AKAP9: variants seen among roughly 807,000 people sequenced by gnomAD.
The protein encoded by AKAP9 is A-kinase anchoring protein 9, also known as A-kinase anchor protein 9.
In AKAP9, 311 loss-of-function variants were observed where a neutral mutation model predicts 488.5. The observed-to-expected ratio is 0.64, with a 90% CI of 0.58 to 0.70. The LOEUF (loss-of-function observed/expected upper bound fraction) is 0.70. AKAP9 is among the 30% of genes least tolerant of loss of function. The probability of loss-of-function intolerance (pLI) is 0.00; values close to 1 mark genes in which losing one functional copy is unlikely to be tolerated. For synonymous variants in AKAP9, 1,462 were observed against 1,483.5 expected, an observed-to-expected ratio of 0.99 and a Z score of 0.33; for missense variants, 4,215 against 4,374.5, an observed-to-expected ratio of 0.96 and a Z score of 1.03.
chr7:92,048,854 C>T (rs537070514), intron 21 of AKAP9, among the ~76,000 whole-genome samples: 2 of 151,150 alleles, frequency 1.3e-5, no homozygotes, highest in African/African-American at 2.4e-5. Context: ...TGCAGTGAGC[C>T]GAGATCACAC....
At chr7:92,102,544 G>A (rs1310191020) in intron 45 of AKAP9, 50 bp from the exon 46 acceptor site, 2 of 1,518,810 alleles carry the variant, frequency 1.3e-6, no homozygotes, top group Admixed American at 3.4e-5. Flanking sequence ...CTAGAGAGCA[G>A]GGTGAATGTT....
At chr7:91,959,682 A>G (rs1584581438) in intron 1 of AKAP9, among the ~76,000 whole-genome samples, 2 of 152,118 alleles carry the variant, frequency 1.3e-5, no homozygotes, top group South Asian at 4.1e-4. Flanking sequence ...AAGCTGCAGA[A>G]TTTGTTTTCT....
intron 3 of AKAP9, among the ~76,000 whole-genome samples, chr7:91,986,925 C>T (rs1379617023): frequency 2.0e-5 from 3 of 151,314 alleles, no homozygotes; most frequent in Non-Finnish European, 4.4e-5. Context: ...TAGTTATATA[C>T]ATGAATAATT....
At chr7:92,101,252 C>T (rs940499490) in intron 45 of AKAP9, among the ~76,000 whole-genome samples, 196 bp downstream of exon 45, 25 of 151,972 alleles carry the variant, frequency 1.6e-4, no homozygotes, top group African/African-American at 5.8e-4. Context: ...CTGGCTAACA[C>T]GGTGAAACCC....
chr7:91,983,879 T>C (rs1276755355), intron 3 of AKAP9, among the ~76,000 whole-genome samples: 1 of 152,206 alleles, frequency 6.6e-6, no homozygotes, highest in Non-Finnish European at 1.5e-5. Flanking sequence ...TGCATTTCTC[T>C]GATGACCAGT....
intron 22 of AKAP9, among the ~76,000 whole-genome samples, chr7:92,054,066 A>G (rs2130806975): frequency 6.6e-6 from 1 of 152,262 alleles, no homozygotes; most frequent in East Asian, 1.9e-4. Flanking sequence ...TTCTTAAGTG[A>G]ATAATATTTT....
chr7:92,035,791 A>G (rs1805095583), intron 16 of AKAP9, among the ~76,000 whole-genome samples: 1 of 152,186 alleles, frequency 6.6e-6, no homozygotes, highest in Non-Finnish European at 1.5e-5. Context: ...TTAGGTAATC[A>G]GTGGGAGAAG....
At chr7:91,956,508 G>C (rs1202944287) in intron 1 of AKAP9, among the ~76,000 whole-genome samples, 2 of 151,718 alleles carry the variant, frequency 1.3e-5, no homozygotes, top group Admixed American at 1.3e-4. Context: ...TATTGATTCT[G>C]AGCTGCTTTG....
chr7:92,057,195 A>G (rs533285731), intron 22 of AKAP9, among the ~76,000 whole-genome samples: 156 of 152,218 alleles, frequency 1.0e-3, no homozygotes, highest in African/African-American at 3.7e-3. Context: ...TGAAATGTCT[A>G]TAGTTTTAGT....
Position 92,083,604 on chromosome 7 carries a change from A to G in AKAP9, c.8595A>G (p.Lys2865=). The change falls in exon 33 of 50, where the codon AAA becomes AAG. Residue 2865 remains lysine (K), a synonymous_variant. Transcript: ENST00000356239. The part of the protein sequence containing the change: ...REHYVAVQLL[K]EECGTLKAVI... ...ACTATGTTGCCGTTCAGTTACTGAA[A>G]GAGGAATGTGGTACCTTGAAGGCAG... 6.2e-7 allele frequency: 1 copy of G among 1,604,416 alleles called. No individual in the cohort carries two copies. Among genetic ancestry groups the G allele is most frequent in the Non-Finnish European group, 8.5e-7 (1 of 1,177,412 alleles).
chr7:91,994,005 TG>T (rs2130641103), intron 5 of AKAP9, among the ~76,000 whole-genome samples: 1 of 152,312 alleles, frequency 6.6e-6, no homozygotes, highest in East Asian at 1.9e-4. Flanking sequence ...GGTGTGTGCC[TG>T]TAGTCCTAGT....
intron 21 of AKAP9, among the ~76,000 whole-genome samples, chr7:92,050,400 G>C (rs1807778855): frequency 1.3e-5 from 2 of 151,948 alleles, no homozygotes; most frequent in Non-Finnish European, 1.5e-5. Flanking sequence ...CAGCTGATTT[G>C]ACAACTGGGA....
rs993676155 is a variant in AKAP9, at chr7:91,984,805, G to A, written c.351+4472G>A. Among the ~76,000 whole-genome samples, 10 of 152,002 alleles carry A rather than the reference G, an allele frequency of 6.6e-5. No homozygotes were observed. The South Asian group carries it at 1.0e-3, about 16-fold the overall frequency. ...ATTTGTTTGTGTCCTTTTTTATTTC[G>A]TTGAGCAGTGGTTTGTAGTTCTCCT... On this transcript the variant is annotated intron_variant, in intron 3 of 49. Coordinates refer to ENST00000356239, the MANE Select transcript of AKAP9 (RefSeq NM_005751.5).
At chr7:91,941,977 T>A in intron 1 of AKAP9, among the ~76,000 whole-genome samples, 1 of 152,060 alleles carries the variant, frequency 6.6e-6, no homozygotes, top group Admixed American at 6.6e-5. Flanking sequence ...GCATCGTTCA[T>A]TGGGCTTCAT....
At chr7:92,050,328 C>T (rs546985047) in intron 21 of AKAP9, among the ~76,000 whole-genome samples, 1 of 152,118 alleles carries the variant, frequency 6.6e-6, no homozygotes, top group African/African-American at 2.4e-5. Context: ...AACTCCTGAC[C>T]TCGTGATCCA....
Position 92,061,425 on chromosome 7 carries a change from G to GAGCA in AKAP9, c.5764+5_5764+8dup. On this transcript the variant is annotated splice_donor_region_variant and intron_variant, in intron 23 of 49. Coordinates refer to ENST00000356239, the MANE Select transcript of AKAP9 (RefSeq NM_005751.5). The stretch of plus-strand genomic sequence containing the variant: ...TGTGGAGCTCAGTAAGGCTGAGGGT[G>GAGCA]AGCAATTTGCCATTGACAACTAAGG... 1 of 1,612,272 alleles carries GAGCA rather than the reference G, an allele frequency of 6.2e-7. No homozygotes were observed. The highest frequency in any genetic ancestry group is 8.5e-7 in the Non-Finnish European group (1 of 1,179,218).
intron 1 of AKAP9, among the ~76,000 whole-genome samples, chr7:91,949,168 T>C (rs1791886837): frequency 6.6e-6 from 1 of 151,908 alleles, no homozygotes; most frequent in Non-Finnish European, 1.5e-5. Context: ...AATATATATA[T>C]ATCCTTTCCG....
At chr7:92,068,218 T>C (rs868579881) in intron 26 of AKAP9, among the ~76,000 whole-genome samples, 141 of 151,096 alleles carry the variant, frequency 9.3e-4, no homozygotes, top group African/African-American at 3.4e-3. Flanking sequence ...AAAAAAAAAT[T>C]AGCCAGGCGT....
chr7:91,956,862 G>C (rs1338621239), intron 1 of AKAP9, among the ~76,000 whole-genome samples: 1 of 152,136 alleles, frequency 6.6e-6, no homozygotes, highest in African/African-American at 2.4e-5. Context: ...GTTGTTTTGG[G>C]CTTCTATTTT....
Sources: gnomAD v4.1 joint callset for allele counts (sites outside exome capture counted in the v4.1 genomes callset) on GRCh38, gnomAD v4.1.1 for gene constraint, MANE v1.5 for transcripts, NCBI Gene and HGNC (gene_info 2026-07-23, HGNC 2026-07-21) for gene names.